Variants in ABCA1 observed in about 807,000 individuals in gnomAD.
ABCA1 encodes the protein ATP binding cassette subfamily A member 1.
ABCA1 carries 133 observed loss-of-function variants against 262.5 expected under a neutral mutation model. The ratio of observed to expected loss-of-function variants is 0.51; its 90% CI spans 0.44 to 0.59. The LOEUF is 0.59. Ranked by LOEUF, ABCA1 falls within the 20% of genes least tolerant of loss-of-function variation. ABCA1 has a pLI of 0.00. For synonymous variants in ABCA1, 1,022 were observed against 1,043.5 expected, an observed-to-expected ratio of 0.98 and a Z score of 0.40; for missense variants, 2,452 against 2,777.5, an observed-to-expected ratio of 0.88 and a Z score of 2.63.
At chr9:104,920,507 T>C (rs148440713) in intron 1 of ABCA1, among the ~76,000 whole-genome samples, 134 of 152,260 alleles carry the variant, frequency 8.8e-4, no homozygotes, top group Middle Eastern at 3.4e-3. Context: ...AAGTAAACTA[T>C]AAAGCAAGAT....
chr9:104,865,989 C>G (rs2119123699), intron 5 of ABCA1, among the ~76,000 whole-genome samples: 1 of 152,012 alleles, frequency 6.6e-6, no homozygotes, highest in Non-Finnish European at 1.5e-5. Flanking sequence ...AAGCACTGGC[C>G]CAAGATGAGG....
intron 40 of ABCA1, 115 bp downstream of exon 40, chr9:104,794,272 G>T: frequency 6.6e-7 from 1 of 1,510,324 alleles, no homozygotes. Flanking sequence ...GCATGGGGGT[G>T]GGGGAACATC....
At chr9:104,820,526 T>C (rs1041444078) in intron 20 of ABCA1, among the ~76,000 whole-genome samples, 3 of 152,136 alleles carry the variant, frequency 2.0e-5, no homozygotes, top group Non-Finnish European at 4.4e-5. Context: ...AGGGAGCACA[T>C]GAGCCCCAGC....
chr9:104,822,110 A>T (rs536149432), intron 19 of ABCA1, among the ~76,000 whole-genome samples: 1 of 152,110 alleles, frequency 6.6e-6, no homozygotes, highest in Admixed American at 6.5e-5. Flanking sequence ...AGGGAAGGCA[A>T]TCAAGCCAGC....
intron 2 of ABCA1, among the ~76,000 whole-genome samples, chr9:104,897,324 GAC>G (rs921822335): frequency 6.6e-6 from 1 of 152,160 alleles, no homozygotes; most frequent in African/African-American, 2.4e-5. Flanking sequence ...CCTCTGGAAA[GAC>G]ATCTGATCAG....
intron 7 of ABCA1, among the ~76,000 whole-genome samples, chr9:104,847,915 A>G (rs1298522968): frequency 2.6e-5 from 4 of 152,228 alleles, no homozygotes; most frequent in Admixed American, 1.3e-4. Flanking sequence ...GTATATGTCT[A>G]TATGTATAGA....
intron 5 of ABCA1, among the ~76,000 whole-genome samples, chr9:104,879,499 T>C (rs1838443464): frequency 6.6e-6 from 1 of 152,206 alleles, no homozygotes; most frequent in Admixed American, 6.5e-5. Context: ...GAGTATCAGA[T>C]ATAATACATG....
intron 39 of ABCA1, among the ~76,000 whole-genome samples, chr9:104,794,896 T>C (rs76996768): frequency 0.079 from 11,996 of 152,284 alleles, 556 homozygotes; most frequent in East Asian, 0.24. Flanking sequence ...TTAGAAATTC[T>C]TCTCAAATAC....
chr9:104,831,508 T>C, intron 13 of ABCA1, 114 bp downstream of exon 13: 2 of 883,004 alleles, frequency 2.3e-6, no homozygotes, highest in South Asian at 1.8e-5. Flanking sequence ...AGTTTTTTTG[T>C]TGTTGTTGAA....
chr9:104,840,132 T>A, intron 9 of ABCA1, 147 bp downstream of exon 9: 1 of 1,365,554 alleles, frequency 7.3e-7, no homozygotes, highest in South Asian at 1.3e-5. Flanking sequence ...GAGAAGCCTC[T>A]CTCCTCTAGG....
intron 17 of ABCA1, 97 bp from the exon 18 acceptor site, chr9:104,824,675 G>C (rs544094979): frequency 2.9e-6 from 4 of 1,387,292 alleles, no homozygotes; most frequent in African/African-American, 2.8e-5. Flanking sequence ...ACATCCTTTG[G>C]AGAAGGAACA....
At position 104,863,907 on chromosome 9, in the gene ABCA1, C is replaced by A. The variant is rs140427187; in HGVS notation, c.422-2107G>T. Among the ~76,000 whole-genome samples, 767 of 152,306 alleles carry A rather than the reference C, an allele frequency of 5.0e-3. 10 individuals carry two copies. The highest frequency in any genetic ancestry group is 0.017 in the African/African-American group (691 of 41,560). On this transcript the variant is annotated intron_variant, in intron 5 of 49. Coordinates refer to ENST00000374736, the MANE Select transcript of ABCA1 (RefSeq NM_005502.4). The stretch of plus-strand genomic sequence containing the variant: ...ACCTAAGCTTCATTTAGGGAGCATG[C>A]GAAAATGCAGTTTCTTGGGCCCAGT...
At chr9:104,884,318 C>T in intron 4 of ABCA1, 109 bp downstream of exon 4, 1 of 1,457,036 alleles carries the variant, frequency 6.9e-7, no homozygotes, top group Non-Finnish European at 9.6e-7. Context: ...CAAGCATTTA[C>T]AAAAACAACT....
chr9:104,819,727 C>T lies in ABCA1; in HGVS notation c.3104-4G>A, dbSNP rs760351654. 2 of 1,614,058 alleles carry T rather than the reference C, an allele frequency of 1.2e-6. No individual in the cohort carries two copies. The highest frequency in any genetic ancestry group is 1.6e-4 in the Middle Eastern group (1 of 6,062). ...GATAGCTTTCTCTGCATTCCACCTA[C>T]AAAAAAACAGAGCAAGACAAACTCC... On this transcript the variant is annotated splice_region_variant and splice_polypyrimidine_tract_variant and intron_variant, in intron 21 of 49. Coordinates refer to ENST00000374736, the MANE Select transcript of ABCA1 (RefSeq NM_005502.4).
chr9:104,854,296 C>G (rs1207577281), intron 7 of ABCA1, among the ~76,000 whole-genome samples: 3 of 152,074 alleles, frequency 2.0e-5, no homozygotes, highest in Non-Finnish European at 2.9e-5. Flanking sequence ...TCAGAGCCCC[C>G]CCAAAAAAAC....
chr9:104,894,639 A>G (rs1840046930), intron 2 of ABCA1, among the ~76,000 whole-genome samples: 1 of 152,216 alleles, frequency 6.6e-6, no homozygotes, highest in Non-Finnish European at 1.5e-5. Context: ...GCCAAGATTC[A>G]AAGCCACTCT....
chr9:104,799,983 C>T lies in ABCA1; in HGVS notation c.4779G>A (p.Trp1593Ter). The change falls in exon 36 of 50, where the codon TGG becomes TGA. Residue 1593 changes from tryptophan (W) to a stop codon, truncating the protein, a stop_gained. Coordinates refer to ENST00000374736, the MANE Select transcript of ABCA1 (RefSeq NM_005502.4). LOFTEE classifies it high-confidence loss of function. ...TTGCATGCCAGCCCTTGTTATTGAA[C>T]CACACCTGAAAGAAAACATACCAGG... ...GLDTKNNVKV[W>*]FNNKGWHAIS... is the part of the protein sequence containing the mutation. 1 of 1,614,118 alleles carries T rather than the reference C, an allele frequency of 6.2e-7. No homozygotes were observed. The highest frequency in any genetic ancestry group is 8.5e-7 in the Non-Finnish European group (1 of 1,180,032).
At chr9:104,832,872 A>T in intron 11 of ABCA1, 101 bp from the exon 12 acceptor site, 1 of 1,097,312 alleles carries the variant, frequency 9.1e-7, no homozygotes, top group Non-Finnish European at 1.4e-6. Context: ...TCGTTGTTTT[A>T]TCCTCACAGA....
At chr9:104,913,959 CCGGCT>C (rs766393761) in intron 1 of ABCA1, among the ~76,000 whole-genome samples, 14 of 74,630 alleles carry the variant, frequency 1.9e-4, no homozygotes, top group South Asian at 5.3e-4. Context: ...GCCAACACGC[CCGGCT>C]AATTTTTTGT....
Sources: allele counts gnomAD v4.1 joint callset (sites outside exome capture counted in the v4.1 genomes callset), GRCh38; gene constraint gnomAD v4.1.1; transcripts MANE v1.5; gene names NCBI Gene and HGNC (gene_info 2026-07-23, HGNC 2026-07-21).